The following USP33 variants were observed in gnomAD, a reference collection of about 807,000 sequenced individuals.
The protein encoded by USP33 is ubiquitin carboxyl-terminal hydrolase 33.
In USP33, 46 loss-of-function variants were observed where a neutral mutation model predicts 124.2. The observed-to-expected ratio is 0.37, with a 90% CI of 0.29 to 0.47. The LOEUF is 0.47. USP33 is among the 20% of genes least tolerant of loss of function. The probability of loss-of-function intolerance (pLI) is 0.99; values close to 1 mark genes in which losing one functional copy is unlikely to be tolerated. For missense variants in USP33, 851 were observed against 1,070.6 expected (o/e 0.79, Z 2.86); for synonymous variants, 350 against 352.3 (o/e 0.99, Z 0.07).
At chr1:77,704,455 G>T (rs2101194074) in intron 21 of USP33, among the ~76,000 whole-genome samples, 1 of 152,276 alleles carries the variant, frequency 6.6e-6, no homozygotes, top group South Asian at 2.1e-4. Context: ...TTGGTATTAA[G>T]AAGTTACTTC....
chr1:77,704,134 A>G (rs937531532), intron 21 of USP33, among the ~76,000 whole-genome samples: 2 of 151,950 alleles, frequency 1.3e-5, no homozygotes, highest in Non-Finnish European at 2.9e-5. Flanking sequence ...AAAAAAGTAT[A>G]TATGTGTGTG....
Position 77,715,775 on chromosome 1 carries a change from A to G in USP33, c.2012T>C (p.Val671Ala). ...QSVTEVSEST[V>A]QNAEAYVLFY... ...AAGAACGTAAGCTTCTGCATTTTGTACAGTAGATTCTGAAACTTCAGTGAC... is the reference window on the plus strand; with the variant it reads ...AAGAACGTAAGCTTCTGCATTTTGTGCAGTAGATTCTGAAACTTCAGTGAC... Residue 671 changes from valine to alanine, a missense_variant, in exon 18 of 24, where the codon GTA becomes GCA. Val to Ala is a moderately conservative substitution (Grantham distance 64, BLOSUM62 0). Around this residue, in one of 4 missense-constraint regions of USP33, gnomAD observed 281 missense variants for 425.0 expected, o/e 0.66. Transcript: ENST00000370794. 6.2e-7 allele frequency: 1 copy of G among 1,614,006 alleles called. No individual in the cohort carries two copies. Among genetic ancestry groups the G allele is most frequent in the African/African-American group, 1.3e-5 (1 of 75,070 alleles).
At chr1:77,701,547 C>T (rs556395186) in intron 21 of USP33, 76 bp from the exon 22 acceptor site, 1 of 1,235,852 alleles carries the variant, frequency 8.1e-7, no homozygotes, top group East Asian at 2.3e-5. Context: ...CATTCCACTT[C>T]AGTGTTTGAT....
intron 1 of USP33, among the ~76,000 whole-genome samples, chr1:77,743,003 C>G (rs569635168): frequency 6.6e-6 from 1 of 151,860 alleles, no homozygotes; most frequent in African/African-American, 2.4e-5. Flanking sequence ...AGTGCAATGG[C>G]GTGATCTCAG....
intron 15 of USP33, chr1:77,720,592 A>G: frequency 1.0e-6 from 1 of 985,346 alleles, no homozygotes; most frequent in Non-Finnish European, 1.2e-6. Context: ...CATTCCTATT[A>G]CAGAGATTGA....
At position 77,723,312 on chromosome 1, in the gene USP33, C is replaced by A; in HGVS notation, c.1389+19G>T. The A allele has an allele frequency of 6.5e-7, 1 of 1,533,800 alleles. No individual in the cohort carries two copies. The highest frequency in any genetic ancestry group is 9.0e-7 in the Non-Finnish European group (1 of 1,113,090). On this transcript the variant is annotated intron_variant, in intron 12 of 23. Coordinates refer to ENST00000370794, the MANE Select transcript of USP33 (RefSeq NM_201624.3). The stretch of plus-strand genomic sequence containing the variant: ...ATTTGACACGAATTTTCTGTGTATT[C>A]TAATACCCTCATACTCACCCTGTCA...
At chr1:77,706,901 G>A (rs1012451708) in intron 21 of USP33, among the ~76,000 whole-genome samples, 5 of 151,908 alleles carry the variant, frequency 3.3e-5, no homozygotes, top group African/African-American at 1.2e-4. Context: ...TCACAACTTC[G>A]GCCTCTACTA....
intron 15 of USP33, among the ~76,000 whole-genome samples, chr1:77,719,041 A>G (rs970551622): frequency 6.6e-6 from 1 of 152,174 alleles, no homozygotes. Flanking sequence ...TCTTAATCAA[A>G]ACACTGGAGT....
chr1:77,705,169 GAAT>G (rs1286893247), intron 21 of USP33, among the ~76,000 whole-genome samples: 1 of 149,276 alleles, frequency 6.7e-6, no homozygotes, highest in Non-Finnish European at 1.5e-5. Context: ...TAATATTATA[GAAT>G]AATAATAGGT....
chr1:77,723,727 G>T (rs1288125663), intron 11 of USP33, among the ~76,000 whole-genome samples: 1 of 151,882 alleles, frequency 6.6e-6, no homozygotes, highest in East Asian at 1.9e-4. Flanking sequence ...GCAGTGGTGC[G>T]ATCTCGGCTC....
intron 1 of USP33, 60 bp downstream of exon 1, chr1:77,759,582 AC>A: frequency 2.5e-6 from 1 of 397,960 alleles, no homozygotes. Context: ...CAGAGACCGG[AC>A]CCCGGACGCG....
chr1:77,726,214 T>C (rs371503972), intron 10 of USP33, among the ~76,000 whole-genome samples: 4 of 152,296 alleles, frequency 2.6e-5, no homozygotes, highest in African/African-American at 9.6e-5. Context: ...CCTCCCAAAG[T>C]GTTGGGATTA....
At chr1:77,748,957 T>C (rs996634975) in intron 1 of USP33, among the ~76,000 whole-genome samples, 1 of 152,236 alleles carries the variant, frequency 6.6e-6, no homozygotes, top group Non-Finnish European at 1.5e-5. Context: ...TTATATGCTA[T>C]GCTGCCTCTG....
chr1:77,754,154 G>T (rs1174645942), intron 1 of USP33, among the ~76,000 whole-genome samples: 1 of 152,124 alleles, frequency 6.6e-6, no homozygotes, highest in East Asian at 1.9e-4. Flanking sequence ...TGTCAGAGGT[G>T]CTTCAAAGGA....
chr1:77,705,812 A>T (rs1674562185), intron 21 of USP33, among the ~76,000 whole-genome samples: 1 of 152,214 alleles, frequency 6.6e-6, no homozygotes, highest in Non-Finnish European at 1.5e-5. Flanking sequence ...GTCTTGCACC[A>T]GTTTGCAATC....
intron 1 of USP33, among the ~76,000 whole-genome samples, chr1:77,751,248 T>C (rs114829291): frequency 6.6e-6 from 1 of 152,170 alleles, no homozygotes; most frequent in African/African-American, 2.4e-5. Flanking sequence ...TCACCAATAA[T>C]GATGGCAGCA....
At position 77,757,532 on chromosome 1, in the gene USP33, CATGTACACTTTTAAAGTTTAAAA is replaced by C. The variant is rs539670159; in HGVS notation, c.-52+2088_-52+2110del. ...ACTTATCAAAATGTTCCTGCAGACA[CATGTACACTTTTAAAGTTTAAAA>C]ACTACACTAAATAGAGCTGTTACTT... On this transcript the variant is annotated intron_variant, in intron 1 of 23. Coordinates refer to ENST00000370794, the MANE Select transcript of USP33 (RefSeq NM_201624.3). Among the ~76,000 whole-genome samples, 200 of 152,334 alleles carry C rather than the reference CATGTACACTTTTAAAGTTTAAAA, an allele frequency of 1.3e-3. 1 individual carries two copies. Among genetic ancestry groups the C allele is most frequent in the African/African-American group, 4.5e-3 (186 of 41,580 alleles).
intron 1 of USP33, among the ~76,000 whole-genome samples, chr1:77,757,757 C>G (rs1256967687): frequency 6.6e-6 from 1 of 152,180 alleles, no homozygotes; most frequent in African/African-American, 2.4e-5. Context: ...GCTTTGGCAA[C>G]ATTATTTCAG....
At chr1:77,753,693 C>T (rs1157769769) in intron 1 of USP33, among the ~76,000 whole-genome samples, 2 of 151,678 alleles carry the variant, frequency 1.3e-5, no homozygotes, top group Non-Finnish European at 2.9e-5. Flanking sequence ...AGATTTGGGA[C>T]CAGTGGTAAG....
Sources: gnomAD v4.1 joint callset for allele counts (sites outside exome capture counted in the v4.1 genomes callset) on GRCh38, gnomAD v4.1.1 for gene constraint, gnomAD v4.1.1 regional missense constraint, MANE v1.5 for transcripts, NCBI Gene and HGNC (gene_info 2026-07-23, HGNC 2026-07-21) for gene names.